YLPM1: variants seen among roughly 807,000 people sequenced by gnomAD.
YLPM1 encodes the protein YLP motif-containing protein 1.
In YLPM1, 99 loss-of-function variants were observed where a neutral mutation model predicts 230.0. That is an observed-to-expected ratio of 0.43 (90% CI 0.37 to 0.51). The LOEUF (loss-of-function observed/expected upper bound fraction) is 0.51. Ranked by LOEUF, YLPM1 falls within the 20% of genes least tolerant of loss-of-function variation. The pLI, the probability that YLPM1 is intolerant of heterozygous loss-of-function variation, is 0.00. For missense variants in YLPM1, 2,592 were observed against 2,707.7 expected, an observed-to-expected ratio of 0.96 and a Z score of 0.95; for synonymous variants, 984 against 942.5, an observed-to-expected ratio of 1.04 and a Z score of -0.81.
Position 74,797,653 on chromosome 14 carries a change from G to T in YLPM1, c.2356G>T (p.Glu786Ter). 1 of 1,587,174 alleles carries T rather than the reference G, an allele frequency of 6.3e-7. No homozygotes were observed. The highest frequency in any genetic ancestry group is 8.6e-7 in the Non-Finnish European group (1 of 1,165,988). ...EGPRPKGPRF[E>*]GNRPDGPRPR... ...ACCGAGACCCAAAGGGCCTCGTTTT[G>T]AAGGAAATCGCCCCGATGGGCCAAG... Residue 786 changes from glutamate to a stop codon, truncating the protein, a stop_gained, in exon 5 of 21, where the codon GAA (glutamate) becomes TAA (stop). Coordinates refer to ENST00000325680, the MANE Select transcript of YLPM1 (RefSeq NM_019589.3). LOFTEE classifies it high-confidence loss of function.
intron 17 of YLPM1, chr14:74,823,998 T>G (rs2091543756): frequency 2.5e-6 from 1 of 396,108 alleles, no homozygotes. Flanking sequence ...TTGTGAGTCC[T>G]GAACTGTAGC....
At chr14:74,803,608 G>T (rs930781951) in intron 6 of YLPM1, among the ~76,000 whole-genome samples, 2 of 152,126 alleles carry the variant, frequency 1.3e-5, no homozygotes, top group African/African-American at 4.8e-5. Context: ...TTCTGTCTGT[G>T]GATGTGACTC....
chr14:74,787,333 C>T (rs1425020209), intron 4 of YLPM1, among the ~76,000 whole-genome samples: 7 of 152,256 alleles, frequency 4.6e-5, no homozygotes, highest in Admixed American at 6.5e-5. Context: ...GAGGCTGACG[C>T]GGGCAGATCA....
chr14:74,798,821 ATGG>A lies in YLPM1; in HGVS notation c.3528_3530del (p.Gly1177del), dbSNP rs752617542. On this transcript the variant is annotated inframe_deletion, in exon 5 of 21. Coordinates refer to ENST00000325680, the MANE Select transcript of YLPM1 (RefSeq NM_019589.3). ...GGTCCATTCAGACCAGAACCAGGAG[ATGG>A]TGGGGAAAAAATGTATCCATATCAC... is the stretch of plus-strand genomic sequence containing the variant. 7.4e-6 allele frequency: 12 copies of A among 1,613,848 alleles called. No homozygotes were observed. In the East Asian group the frequency reaches 2.0e-4, roughly 27 times the overall value.
intron 4 of YLPM1, among the ~76,000 whole-genome samples, chr14:74,783,381 T>C (rs1286923207): frequency 6.6e-6 from 1 of 152,148 alleles, no homozygotes; most frequent in Non-Finnish European, 1.5e-5. Flanking sequence ...GCCACCACGC[T>C]CAGCCAGAAA....
At chr14:74,816,773 T>G in intron 13 of YLPM1, 83 bp downstream of exon 13, 2 of 1,497,702 alleles carry the variant, frequency 1.3e-6, no homozygotes, top group Non-Finnish European at 1.8e-6. Context: ...GTGGCTTTTT[T>G]GAGGGCAGGG....
At chr14:74,809,232 T>C (rs2091409764) in intron 6 of YLPM1, 148 bp from the exon 7 acceptor site, 1 of 1,037,352 alleles carries the variant, frequency 9.6e-7, no homozygotes, top group Non-Finnish European at 1.3e-6. Context: ...CTCATTTTTT[T>C]TGATGGTATG....
rs117142821 is a variant in YLPM1 at position 74,809,415 on chromosome 14, C to A, written c.4557C>A (p.Gly1519=). 2.7e-3 allele frequency: 4,323 copies of A among 1,608,898 alleles called. 13 individuals carry two copies. The highest frequency in any genetic ancestry group is 3.9e-3 in the Admixed American group (231 of 59,270). ...PGSYRPPPPM[G]KPPGSIVRPS... is the part of the protein sequence containing the mutation. ...CGTATAGACCTCCCCCTCCTATGGG[C>A]AAACCACCAGGTTCAATTGTAAGAC... The change falls in exon 7 of 21, where the codon GGC becomes GGA. Residue 1519 remains glycine, a synonymous_variant. Coordinates refer to ENST00000325680, the MANE Select transcript of YLPM1 (RefSeq NM_019589.3).
At chr14:74,818,610 A>T (rs1465931764) in intron 16 of YLPM1, among the ~76,000 whole-genome samples, 1 of 152,202 alleles carries the variant, frequency 6.6e-6, no homozygotes, top group Non-Finnish European at 1.5e-5. Flanking sequence ...TCTTGTAAGA[A>T]CAAGTACATT....
chr14:74,803,934 G>T (rs1036944272), intron 6 of YLPM1, among the ~76,000 whole-genome samples: 12 of 152,136 alleles, frequency 7.9e-5, no homozygotes, highest in African/African-American at 2.9e-4. Flanking sequence ...AAGGCGGGTG[G>T]ATCACTTGAG....
Position 74,763,726 on chromosome 14 carries a change from C to T in YLPM1, c.237C>T (p.His79=), listed in dbSNP as rs1316819441. 2 of 1,520,230 alleles carry T rather than the reference C, an allele frequency of 1.3e-6. No individual in the cohort carries two copies. The highest frequency in any genetic ancestry group is 8.8e-7 in the Non-Finnish European group (1 of 1,132,752). 94.2% of individuals were successfully genotyped at this position (1,520,230 alleles called of 1,614,324 possible). A position where few individuals can be genotyped will look rare whatever the true frequency, so the allele number is the denominator to read the frequency against. The part of the protein sequence containing the change: ...QKQMQCVLQP[H]HLPPPPLPPP... ...AAATGCAGTGCGTGCTTCAGCCCCA[C>T]CACCTTCCTCCGCCCCCTCTGCCGC... The change falls in exon 1 of 21, where the codon CAC becomes CAT. Residue 79 remains histidine (H), a synonymous_variant. Coordinates refer to ENST00000325680, the MANE Select transcript of YLPM1 (RefSeq NM_019589.3).
chr14:74,828,789 A>G (rs1244691208), intron 18 of YLPM1, among the ~76,000 whole-genome samples: 1 of 152,198 alleles, frequency 6.6e-6, no homozygotes, highest in Non-Finnish European at 1.5e-5. Context: ...TGCTTTTCAT[A>G]TGACACAGTA....
At position 74,764,019 on chromosome 14, in the gene YLPM1, C is replaced by T. The variant is rs1299646613; in HGVS notation, c.530C>T (p.Pro177Leu). The T allele has an allele frequency of 1.9e-6, 3 of 1,609,238 alleles. No homozygotes were observed. Among genetic ancestry groups the T allele is most frequent in the Non-Finnish European group, 2.5e-6 (3 of 1,178,140 alleles). The part of the protein sequence containing the change: ...PPQPPPSYYP[P>L]TSSQPYLPPA... ...CAGCCGCCACCCTCTTACTACCCCC[C>T]GACCTCATCTCAGCCCTACCTGCCT... The change falls in exon 1 of 21, where the codon CCG (proline) becomes CTG (leucine). Residue 177 changes from proline to leucine, a missense_variant. Physicochemically the swap from Pro to Leu is moderately conservative, Grantham distance 98. Transcript: ENST00000325680.
At chr14:74,814,881 T>C (rs901730555) in intron 11 of YLPM1, among the ~76,000 whole-genome samples, 2 of 152,244 alleles carry the variant, frequency 1.3e-5, no homozygotes, top group African/African-American at 4.8e-5. Context: ...TTTAAAATTA[T>C]TGTCTTAGAT....
chr14:74,770,321 T>TAA (rs774234106), intron 1 of YLPM1, among the ~76,000 whole-genome samples: 2 of 127,042 alleles, frequency 1.6e-5, no homozygotes. Context: ...GAGTGAGACC[T>TAA]AAAAAAAAAA....
intron 19 of YLPM1, among the ~76,000 whole-genome samples, chr14:74,830,012 G>C (rs2091595613): frequency 6.6e-6 from 1 of 152,170 alleles, no homozygotes; most frequent in Admixed American, 6.5e-5. Flanking sequence ...AGTATAAATG[G>C]AAAAGGTAAT....
chr14:74,781,607 C>G lies in YLPM1; in HGVS notation c.1564C>G (p.Pro522Ala), dbSNP rs1340366842. The change falls in exon 4 of 21, where the codon CCA becomes GCA. Residue 522 changes from proline to alanine, a missense_variant. Pro to Ala is a conservative substitution (Grantham distance 27). Coordinates refer to ENST00000325680, the MANE Select transcript of YLPM1 (RefSeq NM_019589.3). ...GNMSMPPPFV[P>A]YSQMPPPLPT... ...CATGTCAATGCCACCTCCTTTTGTTCCATATTCTCAGATGCCTCCACCTCT... is the reference window on the plus strand; with the variant it reads ...CATGTCAATGCCACCTCCTTTTGTTGCATATTCTCAGATGCCTCCACCTCT... 1.2e-6 allele frequency: 2 copies of G among 1,613,844 alleles called. No homozygotes were observed. Among genetic ancestry groups the G allele is most frequent in the African/African-American group, 1.3e-5 (1 of 74,896 alleles).
At chr14:74,786,510 T>G (rs1477714363) in intron 4 of YLPM1, among the ~76,000 whole-genome samples, 4 of 152,200 alleles carry the variant, frequency 2.6e-5, no homozygotes, top group Non-Finnish European at 5.9e-5. Context: ...AGATTAGTTT[T>G]GCCTATTTTT....
In YLPM1 at chr14:74,763,738, G is replaced by C; in HGVS notation, c.249G>C (p.Pro83=). ...QCVLQPHHLP[P]PPLPPPPVMP... is the part of the protein sequence containing the mutation. ...TGCTTCAGCCCCACCACCTTCCTCC[G>C]CCCCCTCTGCCGCCCCCGCCAGTGA... Residue 83 remains proline, a synonymous_variant, in exon 1 of 21, where the codon CCG becomes CCC. Coordinates refer to ENST00000325680, the MANE Select transcript of YLPM1 (RefSeq NM_019589.3). 1 of 1,507,846 alleles carries C rather than the reference G, an allele frequency of 6.6e-7. No homozygotes were observed. Among genetic ancestry groups the C allele is most frequent in the Non-Finnish European group, 8.9e-7 (1 of 1,128,262 alleles). 93.4% of individuals were successfully genotyped at this position (1,507,846 alleles called of 1,614,324 possible).
Sources: allele counts gnomAD v4.1 joint callset (sites outside exome capture counted in the v4.1 genomes callset), GRCh38; gene constraint gnomAD v4.1.1; transcripts MANE v1.5; gene names NCBI Gene and HGNC (gene_info 2026-07-23, HGNC 2026-07-21).